DPRX: variants seen among roughly 807,000 people sequenced by gnomAD.
DPRX encodes the protein divergent-paired related homeobox, also known as divergent paired-related homeobox.
A neutral mutation model predicts 8.4 loss-of-function variants in DPRX; 11 were observed. That is an observed-to-expected ratio of 1.31 (90% confidence interval 0.82 to 2.17). The LOEUF is 2.17. DPRX is among the 30% of genes most tolerant of loss of function. The pLI is 0.00. For synonymous variants in DPRX, 72 were observed against 87.0 expected (o/e 0.83, Z 0.96); for missense variants, 211 against 236.7 (o/e 0.89, Z 0.71).
chr19:53,623,300 C>G, the DPRX span, among the ~76,000 whole-genome samples: 1 of 101,406 alleles, frequency 9.9e-6, no homozygotes, highest in South Asian at 3.6e-4. Context: ...GAGTGAGACT[C>G]TGTCTCAAAA....
At chr19:53,602,535 AT>A in the DPRX span, among the ~76,000 whole-genome samples, 4,765 of 124,056 alleles carry the variant, frequency 0.038, 80 homozygotes, top group Admixed American at 0.066. Flanking sequence ...AATTTTTTGT[AT>A]TTTTTTTTTT....
chr19:53,614,185 C>T, the DPRX span, among the ~76,000 whole-genome samples: 1 of 151,754 alleles, frequency 6.6e-6, no homozygotes, highest in Admixed American at 6.6e-5. Flanking sequence ...TTCCTGACCT[C>T]GTAATCTGCC....
the DPRX span, among the ~76,000 whole-genome samples, chr19:53,607,829 C>T: frequency 5.1e-3 from 756 of 148,538 alleles, 12 homozygotes; most frequent in African/African-American, 0.017. Context: ...TTGGCCTGGG[C>T]GACAGAGTGA....
intron 1 of DPRX, among the ~76,000 whole-genome samples, chr19:53,632,636 G>T (rs1338615151): frequency 6.6e-6 from 1 of 151,926 alleles, no homozygotes; most frequent in Non-Finnish European, 1.5e-5. Context: ...TAGAGATGGG[G>T]TTTCACCATG....
the DPRX span, chr19:53,603,699 A>G: frequency 3.7e-5 from 6 of 160,090 alleles, no homozygotes; most frequent in Non-Finnish European, 8.3e-5. Context: ...AAAGTCCAGC[A>G]GTAATTTGTA....
At chr19:53,634,196 C>T (rs1359109759) in intron 1 of DPRX, among the ~76,000 whole-genome samples, 1 of 151,976 alleles carries the variant, frequency 6.6e-6, no homozygotes, top group East Asian at 2.0e-4. Flanking sequence ...TTTGGGAGGC[C>T]GAGGCGGGTG....
chr19:53,617,545 T>C, the DPRX span, among the ~76,000 whole-genome samples: 2 of 90,756 alleles, frequency 2.2e-5, no homozygotes, highest in African/African-American at 4.4e-5. Context: ...ACAACAAGAG[T>C]AAATCTCCGT....
chr19:53,623,822 C>T, the DPRX span, among the ~76,000 whole-genome samples: 13 of 150,616 alleles, frequency 8.6e-5, no homozygotes, highest in East Asian at 1.0e-3. Context: ...TGATGGCAGG[C>T]GCCTGTAATC....
chr19:53,611,433 A>G, the DPRX span, among the ~76,000 whole-genome samples: 1 of 151,818 alleles, frequency 6.6e-6, no homozygotes, highest in Non-Finnish European at 1.5e-5. Context: ...GGGTTTTGCC[A>G]TGTTGCCTAC....
the DPRX span, among the ~76,000 whole-genome samples, chr19:53,614,012 C>T: frequency 6.6e-6 from 1 of 151,406 alleles, no homozygotes; most frequent in East Asian, 2.0e-4. Flanking sequence ...AGTGCAGTGG[C>T]CTGATCTCGG....
chr19:53,620,891 G>A, the DPRX span, among the ~76,000 whole-genome samples: 2 of 152,118 alleles, frequency 1.3e-5, no homozygotes, highest in African/African-American at 4.8e-5. Flanking sequence ...ACCATGCCCA[G>A]CCTGCCAAAG....
the DPRX span, chr19:53,603,362 G>T: frequency 2.2e-6 from 1 of 456,310 alleles, no homozygotes; most frequent in African/African-American, 2.0e-5. Flanking sequence ...CAAGCAGAAA[G>T]GCACATCCAT....
the DPRX span, among the ~76,000 whole-genome samples, chr19:53,622,226 G>A: frequency 6.6e-6 from 1 of 152,182 alleles, no homozygotes; most frequent in East Asian, 1.9e-4. Context: ...TTATCTGTGA[G>A]ATGCTTTCAG....
rs1304820129 is a variant in DPRX, at chr19:53,636,723, C to A, written c.311C>A (p.Ala104Glu). Reference sequence around the variant, plus strand: ...TCCACCAGTGTCGGCCTGAGAAATGCAGACACACTACCCAGATTGCCCAAC... The same window carrying A: ...TCCACCAGTGTCGGCCTGAGAAATGAAGACACACTACCCAGATTGCCCAAC... The change falls in exon 3 of 3, where the codon GCA (alanine) becomes GAA (glutamate). Residue 104 changes from alanine to glutamate, a missense_variant. Transcript: ENST00000376650. 16 of 1,614,158 alleles carry A rather than the reference C, an allele frequency of 9.9e-6. No homozygotes were observed. In the South Asian group the frequency reaches 1.5e-4, roughly 16 times the overall value.
At chr19:53,618,090 C>T in the DPRX span, among the ~76,000 whole-genome samples, 6 of 150,662 alleles carry the variant, frequency 4.0e-5, no homozygotes, top group Non-Finnish European at 7.4e-5. Flanking sequence ...TGCAGTGAGC[C>T]TAGATCGCTG....
chr19:53,631,615 T>A (rs1045082734), upstream of DPRX, among the ~76,000 whole-genome samples: 9 of 151,794 alleles, frequency 5.9e-5, no homozygotes, highest in African/African-American at 2.2e-4. Flanking sequence ...CAAAAATTAG[T>A]CAGGAGTGGT....
the DPRX span, chr19:53,601,483 CTT>C: frequency 0.019 from 5,637 of 302,278 alleles, no homozygotes; most frequent in Middle Eastern, 0.03. Context: ...AATGCCTATT[CTT>C]TTTTTTTTTT....
chr19:53,630,202 G>A (rs1412600199), upstream of DPRX, among the ~76,000 whole-genome samples: 1 of 144,734 alleles, frequency 6.9e-6, no homozygotes, highest in Non-Finnish European at 1.5e-5. Flanking sequence ...GACAGAGTGA[G>A]ACTCCATCTC....
At chr19:53,602,628 G>A in the DPRX span, among the ~76,000 whole-genome samples, 12 of 151,558 alleles carry the variant, frequency 7.9e-5, no homozygotes, top group South Asian at 8.4e-4. Flanking sequence ...CGGCCTCTCC[G>A]GTTCAAATAA....
Sources: gnomAD v4.1 joint callset for allele counts (sites outside exome capture counted in the v4.1 genomes callset) on GRCh38, gnomAD v4.1.1 for gene constraint, MANE v1.5 for transcripts, NCBI Gene and HGNC (gene_info 2026-07-23, HGNC 2026-07-21) for gene names.